Variants in ACBD6 observed in about 807,000 individuals in gnomAD.
ACBD6 encodes the protein acyl-CoA binding domain containing 6, also known as acyl-CoA-binding domain-containing protein 6.
Under a neutral mutation model 37.2 loss-of-function variants are expected in ACBD6, and 28 were observed. That is an observed-to-expected ratio of 0.75 (90% CI 0.56 to 1.03). ACBD6 has a LOEUF of 1.03. ACBD6 is among the 50% of genes least tolerant of loss of function. The pLI, the probability that ACBD6 is intolerant of heterozygous loss-of-function variation, is 0.00. For missense variants in ACBD6, 340 were observed against 337.4 expected (o/e 1.01, Z -0.06); for synonymous variants, 113 against 126.8 (o/e 0.89, Z 0.73).
At chr1:180,435,521 GA>G in intron 3 of ACBD6, 1 of 690,256 alleles carries the variant, frequency 1.4e-6, no homozygotes, top group East Asian at 2.7e-5. Flanking sequence ...AAAGTGCTGG[GA>G]TTACAGGCAT....
intron 3 of ACBD6, among the ~76,000 whole-genome samples, chr1:180,434,059 T>G (rs924112213): frequency 1.3e-5 from 2 of 152,150 alleles, no homozygotes; most frequent in African/African-American, 4.8e-5. Context: ...TACAACCATC[T>G]GGATGAACCC....
At chr1:180,275,556 A>G (rs1459067896) in intron 9 of ACBD6, 1 of 152,114 alleles carries the variant, frequency 6.6e-6, no homozygotes, top group African/African-American at 2.4e-5. Flanking sequence ...AAATATTTGG[A>G]GTCTGTTTTG....
At chr1:180,421,395 T>C (rs1294962486) in intron 4 of ACBD6, among the ~76,000 whole-genome samples, 1 of 152,246 alleles carries the variant, frequency 6.6e-6, no homozygotes, top group Non-Finnish European at 1.5e-5. Flanking sequence ...TTATCCAGTC[T>C]ATCATTGATG....
intron 7 of ACBD6, among the ~76,000 whole-genome samples, chr1:180,304,699 T>G (rs1474774782): frequency 6.6e-6 from 1 of 150,832 alleles, no homozygotes; most frequent in Non-Finnish European, 1.5e-5. Flanking sequence ...ATAGATTCAA[T>G]GCCATCCCCA....
intron 4 of ACBD6, among the ~76,000 whole-genome samples, chr1:180,422,519 T>C (rs375817702): frequency 2.6e-5 from 4 of 152,174 alleles, no homozygotes; most frequent in South Asian, 2.1e-4. Context: ...ATCCCTTTTC[T>C]TTTTTACAGA....
At chr1:180,474,756 C>T (rs17372667) in intron 3 of ACBD6, among the ~76,000 whole-genome samples, 24,030 of 152,180 alleles carry the variant, frequency 0.16, 1,958 homozygotes, top group Middle Eastern at 0.22. Flanking sequence ...TATAATTTCA[C>T]CTACTTTTGT....
At chr1:180,431,275 C>CA (rs985616787) in intron 3 of ACBD6, among the ~76,000 whole-genome samples, 2 of 151,694 alleles carry the variant, frequency 1.3e-5, no homozygotes, top group Non-Finnish European at 2.9e-5. Context: ...ACTAAGGTTT[C>CA]AAAAAATGTT....
At chr1:180,304,946 C>T (rs1650291288) in intron 7 of ACBD6, among the ~76,000 whole-genome samples, 1 of 152,036 alleles carries the variant, frequency 6.6e-6, no homozygotes, top group South Asian at 2.1e-4. Context: ...GGAAATAATG[C>T]CACATATCTA....
intron 3 of ACBD6, among the ~76,000 whole-genome samples, chr1:180,436,467 T>G (rs1043410073): frequency 6.6e-6 from 1 of 152,182 alleles, no homozygotes; most frequent in African/African-American, 2.4e-5. Flanking sequence ...GATTCTTTTG[T>G]GCCATTTTGG....
chr1:180,430,859 A>C (rs1330892479), intron 3 of ACBD6, among the ~76,000 whole-genome samples: 1 of 152,182 alleles, frequency 6.6e-6, no homozygotes, highest in East Asian at 1.9e-4. Flanking sequence ...AAAACACACA[A>C]GAGTAAAATT....
At chr1:180,376,773 C>A (rs1036841490) in intron 6 of ACBD6, among the ~76,000 whole-genome samples, 1 of 152,132 alleles carries the variant, frequency 6.6e-6, no homozygotes, top group African/African-American at 2.4e-5. Flanking sequence ...AAATAACAAT[C>A]TCTGTGTACA....
intron 3 of ACBD6, among the ~76,000 whole-genome samples, chr1:180,488,330 G>A (rs1317528212): frequency 6.6e-6 from 1 of 152,102 alleles, no homozygotes; most frequent in Non-Finnish European, 1.5e-5. Flanking sequence ...GAGATAAGAT[G>A]AAACACATAA....
At chr1:180,413,507 G>C (rs1218151295) in intron 4 of ACBD6, 36 bp from the exon 5 acceptor site, 1 of 1,416,512 alleles carries the variant, frequency 7.1e-7, no homozygotes, top group Admixed American at 1.7e-5. Flanking sequence ...TTTTTACTGG[G>C]TAATACATTA....
At chr1:180,413,195 T>C (rs976157569) in intron 5 of ACBD6, among the ~76,000 whole-genome samples, 171 bp downstream of exon 5, 1 of 152,220 alleles carries the variant, frequency 6.6e-6, no homozygotes, top group African/African-American at 2.4e-5. Context: ...ATGTTGGACA[T>C]AATCACAGAA....
intron 3 of ACBD6, among the ~76,000 whole-genome samples, chr1:180,446,228 G>C (rs1649469477): frequency 6.6e-6 from 1 of 150,886 alleles, no homozygotes; most frequent in South Asian, 2.1e-4. Context: ...ACCCATGCTG[G>C]TCTTTAACTC....
At chr1:180,381,062 G>C (rs1403134373) in intron 6 of ACBD6, among the ~76,000 whole-genome samples, 1 of 152,036 alleles carries the variant, frequency 6.6e-6, no homozygotes, top group Non-Finnish European at 1.5e-5. Context: ...GCAAGCAGGA[G>C]TAGCTATACT....
At chr1:180,463,708 G>A (rs2102046027) in intron 3 of ACBD6, among the ~76,000 whole-genome samples, 2 of 152,272 alleles carry the variant, frequency 1.3e-5, no homozygotes, top group Middle Eastern at 3.4e-3. Flanking sequence ...CTCATTCCAT[G>A]AGGCCAACAT....
rs796278351 is a variant in ACBD6, at chr1:180,493,226, C to T, written c.288-861G>A. On this transcript the variant is annotated intron_variant, in intron 2 of 7. Transcript: ENST00000367595. ...TGGCACCACCACACTCCAGCCTGGG[C>T]AACAGAGCAAAATTCTGTCTCAAAA... 1.1e-3 allele frequency among the ~76,000 whole-genome samples: 104 copies of T among 93,250 alleles called. 1 individual carries two copies. The highest frequency in any genetic ancestry group is 4.6e-3 in the African/African-American group (102 of 22,118). 61.2% of individuals were successfully genotyped at this position (93,250 alleles called of 152,430 possible).
chr1:180,353,699 C>T (rs2101895533), intron 6 of ACBD6, among the ~76,000 whole-genome samples: 1 of 111,678 alleles, frequency 9.0e-6, no homozygotes, highest in Non-Finnish European at 1.7e-5. Context: ...TGCTGACTTA[C>T]AAAAATATAT....
Sources: allele counts gnomAD v4.1 joint callset (sites outside exome capture counted in the v4.1 genomes callset), GRCh38; gene constraint gnomAD v4.1.1; transcripts MANE v1.5; gene names NCBI Gene and HGNC (gene_info 2026-07-23, HGNC 2026-07-21).